The following CACNG2 variants were observed in gnomAD, a reference collection of about 807,000 sequenced individuals.
The protein encoded by CACNG2 is calcium voltage-gated channel auxiliary subunit gamma 2.
CACNG2 carries 3 observed loss-of-function variants against 25.9 expected under a neutral mutation model. The observed-to-expected ratio is 0.12, with a 90% CI of 0.05 to 0.30. The LOEUF (loss-of-function observed/expected upper bound fraction) is 0.30, where lower values mean the gene tolerates loss of function less well. CACNG2 is among the 10% of genes least tolerant of loss of function. CACNG2 has a pLI of 1.00. For missense variants in CACNG2, 341 were observed against 432.5 expected, an observed-to-expected ratio of 0.79 and a Z score of 1.88; for synonymous variants, 167 against 173.3, an observed-to-expected ratio of 0.96 and a Z score of 0.29.
At chr22:36,688,841 C>G (rs1937234991) in intron 1 of CACNG2, among the ~76,000 whole-genome samples, 1 of 152,222 alleles carries the variant, frequency 6.6e-6, no homozygotes, top group South Asian at 2.1e-4. Flanking sequence ...CAGCCCCCAC[C>G]TGGAGCCCCA....
intron 1 of CACNG2, among the ~76,000 whole-genome samples, chr22:36,652,251 T>G (rs1936629505): frequency 6.6e-6 from 1 of 152,122 alleles, no homozygotes; most frequent in South Asian, 2.1e-4. Flanking sequence ...CACCTCCTTG[T>G]AACTTGCTTC....
chr22:36,576,633 CA>C (rs936955694), intron 2 of CACNG2, among the ~76,000 whole-genome samples: 1 of 151,174 alleles, frequency 6.6e-6, no homozygotes, highest in Non-Finnish European at 1.5e-5. Context: ...AGAAAGACCT[CA>C]AAGAAGAAAG....
chr22:36,595,278 G>C (rs1464197762), intron 1 of CACNG2, among the ~76,000 whole-genome samples: 1 of 152,174 alleles, frequency 6.6e-6, no homozygotes, highest in Non-Finnish European at 1.5e-5. Flanking sequence ...AGAGTTGGGA[G>C]TAACAGGACT....
At chr22:36,596,614 C>A (rs1935682676) in intron 1 of CACNG2, among the ~76,000 whole-genome samples, 1 of 152,136 alleles carries the variant, frequency 6.6e-6, no homozygotes, top group South Asian at 2.1e-4. Context: ...TCTGTCCTGC[C>A]TGCCTGCCAT....
At chr22:36,595,064 TG>T (rs1935657956) in intron 1 of CACNG2, among the ~76,000 whole-genome samples, 1 of 151,792 alleles carries the variant, frequency 6.6e-6, no homozygotes, top group African/African-American at 2.4e-5. Context: ...TGTGTCTTTG[TG>T]TGTGTCTCTG....
intron 1 of CACNG2, among the ~76,000 whole-genome samples, chr22:36,666,222 T>G (rs1000680541): frequency 8.5e-5 from 13 of 152,130 alleles, no homozygotes; most frequent in Non-Finnish European, 1.3e-4. Flanking sequence ...CTGGAAAACA[T>G]AGTAAGACCT....
intron 1 of CACNG2, among the ~76,000 whole-genome samples, chr22:36,691,001 A>G (rs1937262126): frequency 1.0e-5 from 1 of 95,288 alleles, no homozygotes. Context: ...TTCTCCCGCA[A>G]TAGTATAAAC....
At chr22:36,590,712 A>T (rs1481903148) in intron 1 of CACNG2, among the ~76,000 whole-genome samples, 1 of 152,080 alleles carries the variant, frequency 6.6e-6, no homozygotes, top group African/African-American at 2.4e-5. Context: ...TGCAAATCTG[A>T]TCATGCCACC....
intron 1 of CACNG2, among the ~76,000 whole-genome samples, chr22:36,678,846 G>T (rs891610690): frequency 2.6e-5 from 4 of 152,126 alleles, no homozygotes; most frequent in Non-Finnish European, 4.4e-5. Flanking sequence ...ACAGGGATTT[G>T]ACCTAATTTT....
At chr22:36,647,442 G>A (rs1056788639) in intron 1 of CACNG2, among the ~76,000 whole-genome samples, 4 of 151,894 alleles carry the variant, frequency 2.6e-5, no homozygotes, top group African/African-American at 4.8e-5. Context: ...CTAAAAATAC[G>A]AAAATTAGAT....
intron 1 of CACNG2, among the ~76,000 whole-genome samples, chr22:36,612,729 A>C (rs969845282): frequency 1.8e-4 from 28 of 152,120 alleles, no homozygotes; most frequent in South Asian, 1.2e-3. Context: ...CACTTTCCCA[A>C]ACATACCCCC....
At chr22:36,692,021 G>A (rs1183780881) in intron 1 of CACNG2, among the ~76,000 whole-genome samples, 1 of 152,120 alleles carries the variant, frequency 6.6e-6, no homozygotes, top group Non-Finnish European at 1.5e-5. Flanking sequence ...AGAAAAAAGT[G>A]CATACATCCT....
chr22:36,591,318 C>T (rs867389093), intron 1 of CACNG2, among the ~76,000 whole-genome samples: 4 of 152,038 alleles, frequency 2.6e-5, no homozygotes, highest in Non-Finnish European at 2.9e-5. Context: ...CGTGAGCCAC[C>T]GCGCCCGGCC....
intron 1 of CACNG2, among the ~76,000 whole-genome samples, chr22:36,674,549 G>A (rs891145433): frequency 3.9e-5 from 6 of 152,212 alleles, no homozygotes; most frequent in East Asian, 1.9e-4. Context: ...GGCTGGTCTC[G>A]AACTCCTGAG....
At chr22:36,666,545 T>G (rs1310368061) in intron 1 of CACNG2, among the ~76,000 whole-genome samples, 4 of 152,036 alleles carry the variant, frequency 2.6e-5, no homozygotes, top group Non-Finnish European at 5.9e-5. Context: ...GAGTCATTGT[T>G]TGCTTGGGAC....
intron 2 of CACNG2, 23 bp from the exon 3 acceptor site, chr22:36,566,516 G>A (rs749753379): frequency 6.2e-7 from 1 of 1,613,652 alleles, no homozygotes; most frequent in Non-Finnish European, 8.5e-7. Flanking sequence ...GAGGGTCAGG[G>A]AGAAAGAGAA....
At position 36,564,805 on chromosome 22, in the gene CACNG2, C is replaced by A; in HGVS notation, c.518G>T (p.Ser173Ile). The A allele has an allele frequency of 6.2e-7, 1 of 1,614,200 alleles. No individual in the cohort carries two copies. Among genetic ancestry groups the A allele is most frequent in the Non-Finnish European group, 8.5e-7 (1 of 1,180,038 alleles). The change falls in exon 4 of 4, where the codon AGT (serine) becomes ATT (isoleucine). Residue 173 changes from serine to isoleucine, a missense_variant. Coordinates refer to ENST00000300105, the MANE Select transcript of CACNG2 (RefSeq NM_006078.5). The surrounding 1 kb of genome is among the most constrained non-coding windows in gnomAD (Gnocchi z 6.7). ...GTAGAAGGACCAGCCGTATGAGTAA[C>A]TATTCTTTTTGGAGTCGCTCTTGGA... Reference protein sequence around the residue: ...DPSKSDSKKNSYSYGWSFYFG... With the variant: ...DPSKSDSKKNIYSYGWSFYFG...
intron 1 of CACNG2, among the ~76,000 whole-genome samples, chr22:36,699,165 A>G (rs1937378057): frequency 6.6e-6 from 1 of 151,936 alleles, no homozygotes; most frequent in Admixed American, 6.6e-5. Flanking sequence ...CTGTATCCAC[A>G]TACACACTGT....
In CACNG2 at chr22:36,582,657, C is replaced by A. The variant is rs1013880045; in HGVS notation, c.295+4808G>T. ...CTCCCAACCTCAGGTGATCTGCCCA[C>A]CTTGGCCTCCCAAAGTGCTGAGATT... On this transcript the variant is annotated intron_variant, in intron 2 of 3. Coordinates refer to ENST00000300105, the MANE Select transcript of CACNG2 (RefSeq NM_006078.5). Among the ~76,000 whole-genome samples the A allele has an allele frequency of 2.6e-5, 4 of 151,932 alleles. No individual in the cohort carries two copies. In the South Asian group the frequency reaches 8.4e-4, roughly 32 times the overall value.
Sources: allele counts gnomAD v4.1 joint callset (sites outside exome capture counted in the v4.1 genomes callset), GRCh38; gene constraint gnomAD v4.1.1; non-coding constraint Gnocchi (gnomAD v3.1); transcripts MANE v1.5; gene names NCBI Gene and HGNC (gene_info 2026-07-23, HGNC 2026-07-21).